Variants in C6orf132 observed in about 807,000 individuals in gnomAD.
C6orf132 encodes the protein chromosome 6 open reading frame 132, also known as uncharacterized protein C6orf132.
A neutral mutation model predicts 65.3 loss-of-function variants in C6orf132; 43 were observed. The observed-to-expected ratio is 0.66, with a 90% CI of 0.52 to 0.85. The LOEUF (loss-of-function observed/expected upper bound fraction) is 0.85. C6orf132 is among the 40% of genes least tolerant of loss of function. C6orf132 has a pLI of 0.00. For synonymous variants in C6orf132, 631 were observed against 654.1 expected (o/e 0.96, Z 0.54); for missense variants, 1,488 against 1,548.8 (o/e 0.96, Z 0.66).
chr6:42,129,307 C>T (rs1766816665), intron 1 of C6orf132, among the ~76,000 whole-genome samples: 1 of 152,216 alleles, frequency 6.6e-6, no homozygotes, highest in African/African-American at 2.4e-5. Context: ...TGGTTATGTA[C>T]ATGGCTTGCT....
intron 3 of C6orf132, among the ~76,000 whole-genome samples, chr6:42,108,650 T>G (rs1766450531): frequency 1.3e-5 from 2 of 152,028 alleles, no homozygotes; most frequent in African/African-American, 4.8e-5. Flanking sequence ...AGAACAGGGG[T>G]GTGCAGAAGG....
chr6:42,119,199 AG>A (rs1194826096), intron 2 of C6orf132, among the ~76,000 whole-genome samples: 2 of 126,672 alleles, frequency 1.6e-5, no homozygotes, highest in Non-Finnish European at 3.2e-5. Context: ...CAGTGAGCTG[AG>A]ATTGCGCCAC....
At chr6:42,129,995 T>C (rs1380181619) in intron 1 of C6orf132, among the ~76,000 whole-genome samples, 3 of 152,150 alleles carry the variant, frequency 2.0e-5, no homozygotes, top group Non-Finnish European at 4.4e-5. Flanking sequence ...CCATCCCAAA[T>C]CCCCACACCG....
At chr6:42,140,407 G>GT (rs1327862611) in intron 1 of C6orf132, among the ~76,000 whole-genome samples, 4 of 152,234 alleles carry the variant, frequency 2.6e-5, no homozygotes, top group Non-Finnish European at 4.4e-5. Context: ...GTGTGTGTGT[G>GT]TATGTGTGTG....
intron 2 of C6orf132, among the ~76,000 whole-genome samples, chr6:42,115,302 A>AG (rs2127475315): frequency 6.8e-6 from 1 of 146,756 alleles, no homozygotes; most frequent in African/African-American, 2.5e-5. Flanking sequence ...AAAAAAAAAA[A>AG]AAAAGAAAAG....
intron 3 of C6orf132, 115 bp downstream of exon 3, chr6:42,110,101 C>G (rs1582271258): frequency 8.7e-6 from 7 of 803,930 alleles, no homozygotes; most frequent in Non-Finnish European, 1.4e-5. Flanking sequence ...AGTGGCTGTG[C>G]CTGAGGACTC....
rs1234662063 is a variant in C6orf132 at position 42,105,082 on chromosome 6, C to T, written c.2830G>A (p.Val944Met). 6.5e-7 allele frequency: 1 copy of T among 1,536,878 alleles called. No individual in the cohort carries two copies. The highest frequency in any genetic ancestry group is 8.7e-7 in the Non-Finnish European group (1 of 1,146,840). ...GAGGGAGCTACTCTTTCCCAGGCCA[C>T]AGGGGCCTGGGGCTCTGGCTTTGTC... The part of the protein sequence containing the change: ...NWTKPEPQAP[V>M]AWERVAPSNL... Residue 944 changes from valine (V) to methionine (M), a missense_variant, in exon 4 of 5, where the codon GTG becomes ATG. Physicochemically the swap from Val to Met is conservative, Grantham distance 21. Coordinates refer to ENST00000341865, the MANE Select transcript of C6orf132 (RefSeq NM_001164446.3).
At chr6:42,134,333 GAA>G (rs1311758517) in intron 1 of C6orf132, among the ~76,000 whole-genome samples, 1 of 152,208 alleles carries the variant, frequency 6.6e-6, no homozygotes, top group Non-Finnish European at 1.5e-5. Flanking sequence ...TTGAGTGAGA[GAA>G]AGTGTGCAAA....
At chr6:42,139,316 G>A (rs1766998738) in intron 1 of C6orf132, among the ~76,000 whole-genome samples, 1 of 152,192 alleles carries the variant, frequency 6.6e-6, no homozygotes, top group Admixed American at 6.5e-5. Flanking sequence ...CTATTCTACA[G>A]CAGTGTTAGG....
chr6:42,109,030 C>T (rs1191465208), intron 3 of C6orf132, among the ~76,000 whole-genome samples: 1 of 152,182 alleles, frequency 6.6e-6, no homozygotes, highest in Non-Finnish European at 1.5e-5. Context: ...AGGGAGCTTA[C>T]GCTTGAACGG....
chr6:42,124,022 T>C lies in C6orf132; in HGVS notation c.252+4650A>G, dbSNP rs1350027787. Among the ~76,000 whole-genome samples the C allele has an allele frequency of 6.6e-6, 1 of 152,196 alleles. No homozygotes were observed. Among genetic ancestry groups the C allele is most frequent in the African/African-American group, 2.4e-5 (1 of 41,462 alleles). ...CCTCCAGGGAGCTGACCACACCATC[T>C]ACCCTTCCGTTAGGAAGTCATTTTA... On this transcript the variant is annotated intron_variant, in intron 2 of 4. Transcript: ENST00000341865. The surrounding 1 kb of genome is among the most constrained non-coding windows in gnomAD (Gnocchi z 4.0).
intron 2 of C6orf132, among the ~76,000 whole-genome samples, chr6:42,123,016 G>T (rs974498857): frequency 1.3e-5 from 2 of 152,152 alleles, no homozygotes; most frequent in Non-Finnish European, 2.9e-5. Context: ...ATTCAGACTG[G>T]GGAGGGCAAG....
chr6:42,120,246 CTT>C (rs58477278), intron 2 of C6orf132, among the ~76,000 whole-genome samples: 20,225 of 141,538 alleles, frequency 0.14, 1,387 homozygotes, highest in South Asian at 0.2. Context: ...TTGCGAGGTT[CTT>C]TTTTTTTTTT....
chr6:42,106,132 G>A lies in C6orf132; in HGVS notation c.1780C>T (p.Arg594Trp), dbSNP rs903187265. 1.6e-5 allele frequency: 24 copies of A among 1,537,120 alleles called. No homozygotes were observed. The highest frequency in any genetic ancestry group is 1.7e-4 in the Middle Eastern group (1 of 6,012). Reference sequence around the variant, plus strand: ...TCACAAATTCTTCCCCCTTCTAGCCGAGGCTTAGGGGGCAGAGATCCTATG... The same window carrying A: ...TCACAAATTCTTCCCCCTTCTAGCCAAGGCTTAGGGGGCAGAGATCCTATG... Reference protein sequence around the residue: ...PSIGSLPPKPRLEGGRICENG... With the variant: ...PSIGSLPPKPWLEGGRICENG... The change falls in exon 4 of 5, where the codon CGG becomes TGG. Residue 594 changes from arginine (R) to tryptophan (W), a missense_variant. By Grantham distance (101) the Arg-to-Trp change is moderately radical. Transcript: ENST00000341865.
At chr6:42,135,499 G>A (rs951326084) in intron 1 of C6orf132, among the ~76,000 whole-genome samples, 9 of 152,136 alleles carry the variant, frequency 5.9e-5, no homozygotes, top group African/African-American at 1.9e-4. Flanking sequence ...CTTGCTCCCC[G>A]AGCGGAGGAG....
At chr6:42,138,356 A>G (rs1285007628) in intron 1 of C6orf132, among the ~76,000 whole-genome samples, 2 of 152,178 alleles carry the variant, frequency 1.3e-5, no homozygotes, top group East Asian at 1.9e-4. Context: ...CAGTGGCGCA[A>G]TCTTGGCTTT....
At chr6:42,115,909 T>C (rs1349006594) in intron 2 of C6orf132, among the ~76,000 whole-genome samples, 1 of 149,224 alleles carries the variant, frequency 6.7e-6, no homozygotes, top group African/African-American at 2.5e-5. Flanking sequence ...TTCTTTTTTT[T>C]TTTTTCTTTT....
rs1411863286 is a variant in C6orf132, at chr6:42,106,333, C to T, written c.1579G>A (p.Val527Ile). 12 of 1,536,680 alleles carry T rather than the reference C, an allele frequency of 7.8e-6. No homozygotes were observed. Among genetic ancestry groups the T allele is most frequent in the Non-Finnish European group, 1.0e-5 (12 of 1,146,852 alleles). ...SLPAKDTPPGVPEKSLGGSSL... is the reference protein window; with the variant it reads ...SLPAKDTPPGIPEKSLGGSSL... ...CTGCCGCCAAGACTCTTTTCAGGAA[C>T]ACCTGGGGGAGTGTCCTTTGCTGGC... Residue 527 changes from valine to isoleucine, a missense_variant, in exon 4 of 5, where the codon GTT (valine) becomes ATT (isoleucine). Val to Ile is a conservative substitution (Grantham distance 29). Coordinates refer to ENST00000341865, the MANE Select transcript of C6orf132 (RefSeq NM_001164446.3).
At chr6:42,110,567 AG>A (rs1400217428) in intron 2 of C6orf132, among the ~76,000 whole-genome samples, 1 of 152,220 alleles carries the variant, frequency 6.6e-6, no homozygotes, top group East Asian at 1.9e-4. Context: ...GGGGAAATAC[AG>A]GGTTAGGTTC....
Sources: allele counts gnomAD v4.1 joint callset (sites outside exome capture counted in the v4.1 genomes callset), GRCh38; gene constraint gnomAD v4.1.1; non-coding constraint Gnocchi (gnomAD v3.1); transcripts MANE v1.5; gene names NCBI Gene and HGNC (gene_info 2026-07-23, HGNC 2026-07-21).